The following JAK1 variants were observed in gnomAD, a reference collection of about 807,000 sequenced individuals.
JAK1 encodes Janus kinase 1.
In JAK1, 16 loss-of-function variants were observed where a neutral mutation model predicts 136.6. The observed-to-expected ratio is 0.12, with a 90% CI of 0.08 to 0.18. The LOEUF (loss-of-function observed/expected upper bound fraction) is 0.18, where lower values mean the gene tolerates loss of function less well. Ranked by LOEUF, JAK1 falls within the 10% of genes least tolerant of loss-of-function variation. JAK1 has a pLI of 1.00. For synonymous variants in JAK1, 492 were observed against 519.5 expected (o/e 0.95, Z 0.72); for missense variants, 859 against 1,450.1 (o/e 0.59, Z 6.62).
At chr1:64,857,839 T>TG (rs1278099077) in intron 9 of JAK1, 60 bp from the exon 10 acceptor site, 29 of 1,597,090 alleles carry the variant, frequency 1.8e-5, no homozygotes, top group Middle Eastern at 1.7e-4. Flanking sequence ...TTTGAACCTC[T>TG]GGGCTATCCA....
At chr1:64,909,024 C>T (rs1173245764) in intron 1 of JAK1, among the ~76,000 whole-genome samples, 2 of 152,186 alleles carry the variant, frequency 1.3e-5, no homozygotes, top group East Asian at 1.9e-4. Context: ...GAGCTAATTA[C>T]AAAAAGACAG....
chr1:64,865,042 T>A (rs933941885), intron 7 of JAK1, 70 bp from the exon 8 acceptor site: 2 of 1,300,398 alleles, frequency 1.5e-6, no homozygotes, highest in African/African-American at 2.9e-5. Flanking sequence ...AGGTCAGTGC[T>A]GCTGGGAAAC....
At chr1:64,857,364 G>A (rs187766585) in intron 10 of JAK1, among the ~76,000 whole-genome samples, 1 of 152,310 alleles carries the variant, frequency 6.6e-6, no homozygotes, top group East Asian at 1.9e-4. Context: ...TGTTGGGTGT[G>A]AATTGGTTTT....
intron 1 of JAK1, among the ~76,000 whole-genome samples, chr1:64,935,817 T>C (rs564756418): frequency 2.6e-5 from 4 of 152,298 alleles, no homozygotes; most frequent in East Asian, 3.9e-4. Flanking sequence ...AGAGCCACCA[T>C]ATTGAGTCTT....
At chr1:65,042,293 T>C (rs557281334) in intron 2 of JAK1, among the ~76,000 whole-genome samples, 6 of 152,216 alleles carry the variant, frequency 3.9e-5, no homozygotes, top group South Asian at 2.1e-4. Context: ...TCAGCTTCCA[T>C]AGATTTTGCT....
intron 2 of JAK1, among the ~76,000 whole-genome samples, chr1:65,026,282 A>G (rs1033034978): frequency 1.3e-5 from 2 of 152,180 alleles, no homozygotes; most frequent in Non-Finnish European, 2.9e-5. Flanking sequence ...GCATTGTTCT[A>G]TCAACACCGA....
intron 1 of JAK1, among the ~76,000 whole-genome samples, chr1:65,051,030 G>A (rs1304024368): frequency 6.6e-6 from 1 of 152,146 alleles, no homozygotes; most frequent in African/African-American, 2.4e-5. Flanking sequence ...GGAAATAAAA[G>A]GAGAAAGGGA....
At position 65,048,800 on chromosome 1, in the gene JAK1, G is replaced by C. The variant is rs368704849; in HGVS notation, c.-180-4218C>G. ...CTTTGCTTCTTACCACTCTGATTGA[G>C]AGTCTTGGGAAATGGGCATTTAATA... On this transcript the variant is annotated intron_variant, in intron 1 of 25. Transcript: ENST00000671954. Among the ~76,000 whole-genome samples, 3 of 151,820 alleles carry C rather than the reference G, an allele frequency of 2.0e-5. 1 individual carries two copies. The highest frequency in any genetic ancestry group is 7.3e-5 in the African/African-American group (3 of 41,278).
chr1:65,033,686 G>A (rs1647044811), intron 2 of JAK1, among the ~76,000 whole-genome samples: 1 of 142,968 alleles, frequency 7.0e-6, no homozygotes, highest in African/African-American at 2.6e-5. Flanking sequence ...CCAGGAGTTT[G>A]AGATCAGCCC....
intron 2 of JAK1, among the ~76,000 whole-genome samples, chr1:65,016,342 CCGAGCATGGTGGCTTATG>C (rs1646891895): frequency 6.6e-6 from 1 of 152,148 alleles, no homozygotes; most frequent in South Asian, 2.1e-4. Context: ...TTTAAATGGG[CCGAGCATGGTGGCTTATG>C]CCTGTAATCC....
At chr1:64,937,429 C>A (rs1461683603) in intron 1 of JAK1, among the ~76,000 whole-genome samples, 1 of 152,126 alleles carries the variant, frequency 6.6e-6, no homozygotes, top group East Asian at 1.9e-4. Context: ...AATACTAATT[C>A]CGAAAGAAGT....
At chr1:64,977,352 A>G (rs1051146792) in intron 2 of JAK1, among the ~76,000 whole-genome samples, 10 of 151,636 alleles carry the variant, frequency 6.6e-5, no homozygotes, top group African/African-American at 2.2e-4. Context: ...AGGTCTTGCT[A>G]TGTTGCCTAG....
Position 64,841,516 on chromosome 1 carries a change from T to C in JAK1, c.2489A>G (p.Tyr830Cys). 1 of 1,614,166 alleles carries C rather than the reference T, an allele frequency of 6.2e-7. No individual in the cohort carries two copies. Among genetic ancestry groups the C allele is most frequent in the Non-Finnish European group, 8.5e-7 (1 of 1,180,024 alleles). Residue 830 changes from tyrosine (Y) to cysteine (C), a missense_variant, in exon 18 of 25, where the codon TAT becomes TGT. Transcript: ENST00000342505. ...GAAGAAAGGCCTCTGATTGGGGTCA[T>C]AGTTCATGCAGCGGGTCATGAGGTC... is the stretch of plus-strand genomic sequence containing the variant. Reference protein sequence around the residue: ...LADLMTRCMNYDPNQRPFFRA... With the variant: ...LADLMTRCMNCDPNQRPFFRA...
chr1:64,997,305 A>G (rs1569850124), intron 2 of JAK1, among the ~76,000 whole-genome samples: 2 of 152,358 alleles, frequency 1.3e-5, no homozygotes, highest in East Asian at 3.9e-4. Context: ...CAGTCTTCAA[A>G]TGTAGAATGA....
At position 64,837,991 on chromosome 1, in the gene JAK1, T is replaced by A. The variant is rs1400891835; in HGVS notation, c.3081A>T (p.Ala1027=). The change falls in exon 22 of 25, where the codon GCA becomes GCT. Residue 1027 remains alanine, a synonymous_variant. Coordinates refer to ENST00000342505, the MANE Select transcript of JAK1 (RefSeq NM_002227.4). ...TGTAATACTCCTTATCGGTTTCAAT[T>A]GCTTTGGTTAAACCGAAGTCTCCAA... The part of the protein sequence containing the change: ...VKIGDFGLTK[A]IETDKEYYTV... 1 of 1,614,200 alleles carries A rather than the reference T, an allele frequency of 6.2e-7. No individual in the cohort carries two copies. Among genetic ancestry groups the A allele is most frequent in the South Asian group, 1.1e-5 (1 of 91,084 alleles).
At chr1:64,985,614 C>T in intron 2 of JAK1, 1 of 864,636 alleles carries the variant, frequency 1.2e-6, no homozygotes, top group Non-Finnish European at 1.9e-6. Context: ...AACAACAATG[C>T]CCAGCTGGTT....
chr1:64,847,368 G>C (rs1018475680), intron 13 of JAK1, among the ~76,000 whole-genome samples, 164 bp downstream of exon 13: 2 of 152,092 alleles, frequency 1.3e-5, no homozygotes, highest in African/African-American at 4.8e-5. Flanking sequence ...TACTCTACAT[G>C]CAGGGTCCAC....
At chr1:64,835,564 A>C (rs1654431504) in intron 23 of JAK1, 58 bp from the exon 24 acceptor site, 2 of 1,008,566 alleles carry the variant, frequency 2.0e-6, no homozygotes, top group Non-Finnish European at 3.0e-6. Context: ...CATAAATGCC[A>C]AACAGATTAA....
chr1:64,922,275 T>A lies in JAK1; in HGVS notation c.-77-35934A>T, dbSNP rs139086628. On this transcript the variant is annotated intron_variant, in intron 1 of 24. Coordinates refer to ENST00000342505, the MANE Select transcript of JAK1 (RefSeq NM_002227.4). ...AAACAAGGGTTTTTTTGCATTGACCTGATAATTTCATTGGTAGCTACAACT... is the reference window on the plus strand; with the variant it reads ...AAACAAGGGTTTTTTTGCATTGACCAGATAATTTCATTGGTAGCTACAACT... Among the ~76,000 whole-genome samples, 17 of 152,148 alleles carry A rather than the reference T, an allele frequency of 1.1e-4. 1 individual carries two copies. The highest frequency in any genetic ancestry group is 3.9e-4 in the African/African-American group (16 of 41,510).
Sources: allele counts gnomAD v4.1 joint callset (sites outside exome capture counted in the v4.1 genomes callset), GRCh38; gene constraint gnomAD v4.1.1; transcripts MANE v1.5; gene names NCBI Gene and HGNC (gene_info 2026-07-23, HGNC 2026-07-21).